The following APOL3 variants were observed in gnomAD, a reference collection of about 807,000 sequenced individuals.
The protein encoded by APOL3 is TNF-inducible protein CG12-1.
In APOL3, 14 loss-of-function variants were observed where a neutral mutation model predicts 11.6. The ratio of observed to expected loss-of-function variants is 1.21; its 90% CI spans 0.80 to 1.89. The LOEUF (loss-of-function observed/expected upper bound fraction) is 1.89, where lower values mean the gene tolerates loss of function less well. APOL3 is among the 40% of genes most tolerant of loss of function. APOL3 has a pLI of 0.00. For synonymous variants in APOL3, 192 were observed against 190.6 expected (o/e 1.01, Z -0.06); for missense variants, 483 against 492.1 (o/e 0.98, Z 0.17).
intron 2 of APOL3, among the ~76,000 whole-genome samples, chr22:36,143,983 A>G (rs929350701): frequency 6.6e-6 from 1 of 152,206 alleles, no homozygotes; most frequent in African/African-American, 2.4e-5. Context: ...CCCAGTTGGC[A>G]GACACTTGTT....
At chr22:36,143,787 G>A (rs996972056) in intron 2 of APOL3, among the ~76,000 whole-genome samples, 1 of 152,366 alleles carries the variant, frequency 6.6e-6, no homozygotes, top group Admixed American at 6.5e-5. Context: ...GCAGGTGACA[G>A]CTTCACCTGT....
intron 2 of APOL3, among the ~76,000 whole-genome samples, chr22:36,143,255 CACAGCGTCCTGAGGACA>C (rs1173575935): frequency 6.6e-6 from 1 of 152,252 alleles, no homozygotes. Context: ...CACAGGAGAA[CACAGCGTCCTGAGGACA>C]ACGAAGCTTC....
intron 2 of APOL3, among the ~76,000 whole-genome samples, chr22:36,142,284 T>TA (rs897585177): frequency 1.4e-4 from 21 of 152,228 alleles, no homozygotes; most frequent in African/African-American, 4.8e-4. Flanking sequence ...ATAAAAAACT[T>TA]AAAGTCATCT....
At chr22:36,160,830 C>T (rs2013646718) in exon 1 of APOL3, 1 of 1,611,138 alleles carries the variant, frequency 6.2e-7, no homozygotes, top group African/African-American at 1.3e-5. Flanking sequence ...AACTTGGCAG[C>T]AGCTCCTGAT....
At chr22:36,151,651 A>G (rs958009376) in intron 1 of APOL3, among the ~76,000 whole-genome samples, 1 of 152,212 alleles carries the variant, frequency 6.6e-6, no homozygotes. Flanking sequence ...CATACATAAT[A>G]ATTACATAGA....
At chr22:36,159,906 ACT>A (rs1350738346) in intron 1 of APOL3, among the ~76,000 whole-genome samples, 2 of 148,142 alleles carry the variant, frequency 1.4e-5, no homozygotes, top group Non-Finnish European at 3.0e-5. Context: ...ACAGAGTCTC[ACT>A]CTGTCAGGAG....
chr22:36,160,967 C>T (rs1391551800), upstream of APOL3: 2 of 1,296,392 alleles, frequency 1.5e-6, no homozygotes, highest in Non-Finnish European at 2.1e-6. Flanking sequence ...CTTGGCCAAC[C>T]CACCTGCCTC....
intron 1 of APOL3, chr22:36,155,911 T>C (rs766480168): frequency 6.3e-5 from 11 of 173,756 alleles, no homozygotes; most frequent in Non-Finnish European, 1.5e-4. Context: ...AAAGGGACTT[T>C]AGTTCCTGGA....
intron 1 of APOL3, chr22:36,155,794 C>A (rs974489685): frequency 7.0e-5 from 11 of 156,698 alleles, no homozygotes; most frequent in African/African-American, 2.4e-4. Context: ...GGCTCGGAAT[C>A]TTGTCTGGGG....
At chr22:36,151,050 T>C (rs750678229) in intron 1 of APOL3, among the ~76,000 whole-genome samples, 1 of 152,104 alleles carries the variant, frequency 6.6e-6, no homozygotes, top group Non-Finnish European at 1.5e-5. Flanking sequence ...AAGAATTGCC[T>C]GCTAAGCAGA....
upstream of APOL3, chr22:36,165,924 G>C (rs1054800184): frequency 6.6e-6 from 1 of 152,208 alleles, no homozygotes; most frequent in African/African-American, 2.4e-5. Context: ...GAGTAGAAAG[G>C]CTGACAGTGA....
Position 36,141,489 on chromosome 22 carries a change from A to G in APOL3, c.920T>C (p.Leu307Pro), listed in dbSNP as rs372981691. ...TGAGATTCGCCAGGTGGTCACAGGG[A>G]GTCGGGCCCTGGCTCTGGCTTGCCT... is the stretch of plus-strand genomic sequence containing the variant. Residue 307 changes from leucine to proline, a missense_variant, in exon 3 of 3, where the codon CTC becomes CCC. By Grantham distance (98) the Leu-to-Pro change is moderately conservative. Coordinates refer to ENST00000349314, the Ensembl canonical transcript of APOL3. The G allele has an allele frequency of 3.3e-5, 53 of 1,614,088 alleles. No homozygotes were observed. The highest frequency in any genetic ancestry group is 3.3e-5 in the Non-Finnish European group (39 of 1,180,054).
At chr22:36,141,180 C>G (rs776252974) in exon 3 of APOL3, 4 of 1,602,620 alleles carry the variant, frequency 2.5e-6, no homozygotes, top group Non-Finnish European at 3.4e-6. Flanking sequence ...ACCTCCCCTG[C>G]TGGCTGCACT....
At chr22:36,140,996 C>T (rs2059963282) in exon 3 of APOL3, 1 of 680,492 alleles carries the variant, frequency 1.5e-6, no homozygotes, top group Non-Finnish European at 2.4e-6. Flanking sequence ...TTATTCCAGG[C>T]TCCAGCATTC....
chr22:36,155,727 C>A, intron 1 of APOL3: 1 of 160,876 alleles, frequency 6.2e-6, no homozygotes. Flanking sequence ...CAGACCACAC[C>A]TGACACCTCT....
At chr22:36,143,261 G>A (rs978909983) in intron 2 of APOL3, among the ~76,000 whole-genome samples, 10 of 152,188 alleles carry the variant, frequency 6.6e-5, no homozygotes, top group Admixed American at 4.6e-4. Context: ...AGAACACAGC[G>A]TCCTGAGGAC....
upstream of APOL3, chr22:36,164,855 T>C (rs2013818855): frequency 6.6e-6 from 1 of 152,220 alleles, no homozygotes; most frequent in African/African-American, 2.4e-5. Context: ...TCCTCTTTCA[T>C]TCTGTCAAGT....
intron 1 of APOL3, chr22:36,153,439 C>G: frequency 2.2e-6 from 1 of 455,758 alleles, no homozygotes; most frequent in South Asian, 1.6e-5. Context: ...AAGAAAAGTA[C>G]GGATGTTGTC....
intron 1 of APOL3, chr22:36,156,079 C>G: frequency 5.2e-6 from 1 of 193,308 alleles, no homozygotes. Context: ...AGACACCGTG[C>G]TCCTCCTGAG....
Sources: gnomAD v4.1 joint callset for allele counts (sites outside exome capture counted in the v4.1 genomes callset) on GRCh38, gnomAD v4.1.1 for gene constraint, MANE v1.5 for transcripts, NCBI Gene and HGNC (gene_info 2026-07-23, HGNC 2026-07-21) for gene names.